CSMD1: variants seen among roughly 807,000 people sequenced by gnomAD.
The protein encoded by CSMD1 is CUB and Sushi multiple domains 1.
Under a neutral mutation model 417.5 loss-of-function variants are expected in CSMD1, and 213 were observed. That is an observed-to-expected ratio of 0.51 (90% CI 0.46 to 0.57). The LOEUF (loss-of-function observed/expected upper bound fraction) is 0.57, where lower values mean the gene tolerates loss of function less well. CSMD1 is among the 20% of genes least tolerant of loss of function. The probability of loss-of-function intolerance (pLI) is 0.00; values close to 1 mark genes in which losing one functional copy is unlikely to be tolerated. For synonymous variants in CSMD1, 2,862 were observed against 1,736.8 expected, an observed-to-expected ratio of 1.65 and a Z score of -16.11; for missense variants, 6,923 against 4,529.7, an observed-to-expected ratio of 1.53 and a Z score of -15.17.
chr8:3,119,105 G>T (rs893895904), intron 41 of CSMD1, among the ~76,000 whole-genome samples: 8 of 151,992 alleles, frequency 5.3e-5, no homozygotes, highest in Non-Finnish European at 1.0e-4. Flanking sequence ...GCGTGAACCT[G>T]GGAGGTGAAG....
chr8:3,891,619 G>T (rs1806979602), intron 5 of CSMD1, among the ~76,000 whole-genome samples: 1 of 151,932 alleles, frequency 6.6e-6, no homozygotes, highest in Admixed American at 6.6e-5. Context: ...GGAGGTCCAG[G>T]CTTCAGTGAG....
At chr8:3,272,912 A>G (rs1419149279) in intron 26 of CSMD1, among the ~76,000 whole-genome samples, 5 of 149,202 alleles carry the variant, frequency 3.4e-5, no homozygotes, top group Non-Finnish European at 1.5e-5. Flanking sequence ...TCCTAATTGA[A>G]TACCCTTTAT....
At chr8:4,310,648 C>G (rs1419189739) in intron 3 of CSMD1, among the ~76,000 whole-genome samples, 1 of 152,026 alleles carries the variant, frequency 6.6e-6, no homozygotes, top group South Asian at 2.1e-4. Context: ...ACACATTTGA[C>G]CGAGACTATA....
chr8:3,896,660 C>A (rs920527064), intron 5 of CSMD1, among the ~76,000 whole-genome samples: 1 of 151,900 alleles, frequency 6.6e-6, no homozygotes, highest in Admixed American at 6.6e-5. Context: ...TACAGGCGCC[C>A]GCCACCACAC....
chr8:4,433,520 G>A (rs117024041), intron 2 of CSMD1, among the ~76,000 whole-genome samples: 2 of 152,134 alleles, frequency 1.3e-5, no homozygotes, highest in East Asian at 3.9e-4. Context: ...GGCAGCCCCA[G>A]ATCCCCCTGC....
chr8:3,315,239 A>G (rs1168836325), intron 23 of CSMD1, among the ~76,000 whole-genome samples: 3 of 152,190 alleles, frequency 2.0e-5, no homozygotes, highest in Non-Finnish European at 4.4e-5. Flanking sequence ...GCTTTTTATT[A>G]ACTCTATTTG....
chr8:4,736,242 G>T (rs140332804), intron 1 of CSMD1, among the ~76,000 whole-genome samples: 10 of 152,070 alleles, frequency 6.6e-5, no homozygotes, highest in Non-Finnish European at 1.5e-4. Flanking sequence ...AAAAAGAGAC[G>T]TAAAAGTTCT....
At chr8:4,539,682 A>G (rs1042829542) in intron 2 of CSMD1, among the ~76,000 whole-genome samples, 6 of 152,228 alleles carry the variant, frequency 3.9e-5, no homozygotes, top group African/African-American at 4.8e-5. Flanking sequence ...TATTAAGATT[A>G]TAGTAGGGGA....
chr8:3,989,427 T>C (rs1814581680), intron 5 of CSMD1, among the ~76,000 whole-genome samples: 1 of 152,162 alleles, frequency 6.6e-6, no homozygotes. Context: ...CCAAGCTAGG[T>C]AAGAGCGGCT....
intron 1 of CSMD1, among the ~76,000 whole-genome samples, chr8:4,678,916 G>T (rs749641721): frequency 1.3e-5 from 2 of 152,130 alleles, no homozygotes; most frequent in Non-Finnish European, 2.9e-5. Flanking sequence ...CAAACAAATA[G>T]ATTGTACTTA....
intron 3 of CSMD1, among the ~76,000 whole-genome samples, chr8:4,223,014 C>G (rs1034259066): frequency 6.6e-6 from 1 of 151,970 alleles, no homozygotes; most frequent in Admixed American, 6.6e-5. Flanking sequence ...TAGACAAAAA[C>G]ATAATAATAA....
At chr8:3,925,444 C>T (rs1199254558) in intron 5 of CSMD1, among the ~76,000 whole-genome samples, 1 of 152,002 alleles carries the variant, frequency 6.6e-6, no homozygotes, top group African/African-American at 2.4e-5. Flanking sequence ...TACAGTTAAA[C>T]CTGAAATACA....
At chr8:4,783,115 G>C (rs1018167064) in intron 1 of CSMD1, among the ~76,000 whole-genome samples, 2 of 152,228 alleles carry the variant, frequency 1.3e-5, no homozygotes, top group East Asian at 3.9e-4. Flanking sequence ...TTCAATCACA[G>C]AGTTAACATG....
intron 11 of CSMD1, among the ~76,000 whole-genome samples, chr8:3,485,873 G>C (rs541662533): frequency 8.3e-4 from 126 of 151,886 alleles, no homozygotes; most frequent in African/African-American, 3.0e-3. Context: ...TCATATCAAG[G>C]TGAATATCCT....
At chr8:4,224,811 C>T (rs569802125) in intron 3 of CSMD1, among the ~76,000 whole-genome samples, 1 of 152,142 alleles carries the variant, frequency 6.6e-6, no homozygotes, top group African/African-American at 2.4e-5. Flanking sequence ...CATAATATTC[C>T]TCATCATGGG....
intron 6 of CSMD1, among the ~76,000 whole-genome samples, chr8:3,717,822 TAGA>T (rs1801930179): frequency 6.6e-6 from 1 of 152,172 alleles, no homozygotes; most frequent in East Asian, 1.9e-4. Context: ...CCTTTATCAT[TAGA>T]AATTAGTTTT....
intron 5 of CSMD1, among the ~76,000 whole-genome samples, chr8:3,902,072 G>C (rs995820396): frequency 6.6e-6 from 1 of 152,110 alleles, no homozygotes; most frequent in Non-Finnish European, 1.5e-5. Context: ...ATTGTTGCCA[G>C]ATTCCTATTT....
At chr8:3,643,158 A>G (rs145800267) in intron 7 of CSMD1, among the ~76,000 whole-genome samples, 2 of 152,080 alleles carry the variant, frequency 1.3e-5, no homozygotes, top group Admixed American at 6.6e-5. Context: ...TAAAGATATT[A>G]TAAGTGAGAG....
At chr8:3,643,146 T>C (rs978575285) in intron 7 of CSMD1, among the ~76,000 whole-genome samples, 15 of 151,770 alleles carry the variant, frequency 9.9e-5, no homozygotes, top group African/African-American at 3.6e-4. Flanking sequence ...AAAAACCATG[T>C]GTAAAGATAT....
Sources: allele counts gnomAD v4.1 joint callset (sites outside exome capture counted in the v4.1 genomes callset), GRCh38; gene constraint gnomAD v4.1.1; transcripts MANE v1.5; gene names NCBI Gene and HGNC (gene_info 2026-07-23, HGNC 2026-07-21).